The following IL1RAPL2 variants were observed in gnomAD, a reference collection of about 807,000 sequenced individuals.
IL1RAPL2 encodes the protein X-linked interleukin-1 receptor accessory protein-like 2.
IL1RAPL2 carries 3 observed loss-of-function variants against 44.1 expected under a neutral mutation model. The ratio of observed to expected loss-of-function variants is 0.07; its 90% CI spans 0.03 to 0.18. The LOEUF (loss-of-function observed/expected upper bound fraction) is 0.18. IL1RAPL2 is among the 10% of genes least tolerant of loss of function. The pLI, the probability that IL1RAPL2 is intolerant of heterozygous loss-of-function variation, is 1.00. For missense variants in IL1RAPL2, 391 were observed against 496.4 expected (o/e 0.79, Z 2.02); for synonymous variants, 181 against 178.8 (o/e 1.01, Z -0.10).
At chrX:104,794,621 T>C (rs190772091) in intron 2 of IL1RAPL2, among the ~76,000 whole-genome samples, 2 of 112,024 alleles carry the variant, frequency 1.8e-5, no homozygotes, top group African/African-American at 6.5e-5. Flanking sequence ...TGAACTTAGT[T>C]GGAGAACAGT....
chrX:104,585,328 A>ATATATTATATAATATATATTATATAAT, intron 1 of IL1RAPL2, among the ~76,000 whole-genome samples: 1 of 12,483 alleles, frequency 8.0e-5, no homozygotes, highest in South Asian at 2.1e-3. Flanking sequence ...TATTATATAT[A>ATATATTATATAATATATATTATATAAT]ATATATATTA....
chrX:105,240,041 A>G (rs912266720), intron 4 of IL1RAPL2, among the ~76,000 whole-genome samples: 4 of 112,403 alleles, frequency 3.6e-5, no homozygotes, highest in African/African-American at 9.7e-5. Context: ...TCCCAGGAAT[A>G]CGGGTTTGAC....
chrX:104,787,109 G>A (rs1932803446), intron 2 of IL1RAPL2, among the ~76,000 whole-genome samples: 1 of 110,637 alleles, frequency 9.0e-6, no homozygotes, highest in Non-Finnish European at 1.9e-5. Context: ...GCCAGGCAAC[G>A]TTTTCAGCAC....
At chrX:104,579,578 C>T (rs1047492156) in intron 1 of IL1RAPL2, among the ~76,000 whole-genome samples, 1 of 111,110 alleles carries the variant, frequency 9.0e-6, no homozygotes, top group East Asian at 2.9e-4. Flanking sequence ...CACAAAGAGG[C>T]GAGCAACACC....
intron 5 of IL1RAPL2, among the ~76,000 whole-genome samples, chrX:105,356,617 TCTTA>T (rs200195637): frequency 0.018 from 1,967 of 112,266 alleles, 45 homozygotes; most frequent in African/African-American, 0.061. Flanking sequence ...GGCTCACTCC[TCTTA>T]CTTAGAAGGG....
chrX:105,396,356 T>C (rs1306200046), intron 5 of IL1RAPL2, among the ~76,000 whole-genome samples: 1 of 105,998 alleles, frequency 9.4e-6, no homozygotes, highest in Non-Finnish European at 1.9e-5. Flanking sequence ...GACTTTACGG[T>C]AATCAGGTAT....
intron 2 of IL1RAPL2, among the ~76,000 whole-genome samples, chrX:105,138,651 T>C (rs895457226): frequency 1.8e-5 from 2 of 111,377 alleles, no homozygotes; most frequent in African/African-American, 6.5e-5. Flanking sequence ...TCCACTGTTA[T>C]GCCTCCCCAT....
intron 4 of IL1RAPL2, among the ~76,000 whole-genome samples, chrX:105,266,165 T>C (rs1361187816): frequency 1.8e-5 from 2 of 109,580 alleles, no homozygotes; most frequent in African/African-American, 6.7e-5. Flanking sequence ...CCTCAGCCTC[T>C]CAAGTAGCTG....
At chrX:105,630,935 A>G (rs905463481) in intron 6 of IL1RAPL2, among the ~76,000 whole-genome samples, 1 of 111,216 alleles carries the variant, frequency 9.0e-6, no homozygotes, top group Non-Finnish European at 1.9e-5. Flanking sequence ...GAGGATAACT[A>G]AATGGTTGCA....
At chrX:105,324,572 C>A (rs1336372112) in intron 5 of IL1RAPL2, among the ~76,000 whole-genome samples, 3 of 111,349 alleles carry the variant, frequency 2.7e-5, no homozygotes, top group African/African-American at 9.8e-5. Context: ...TTCTCTATCA[C>A]CACTGATTTA....
At chrX:104,646,268 A>G (rs1157051872) in intron 1 of IL1RAPL2, among the ~76,000 whole-genome samples, 2 of 109,705 alleles carry the variant, frequency 1.8e-5, no homozygotes, top group Non-Finnish European at 3.8e-5. Context: ...TTTAAAATCC[A>G]TTTAATATTC....
intron 2 of IL1RAPL2, among the ~76,000 whole-genome samples, chrX:104,825,871 C>G (rs975399524): frequency 4.5e-5 from 5 of 111,679 alleles, no homozygotes; most frequent in African/African-American, 1.6e-4. Context: ...TGTCTGCAAT[C>G]AACTGCAAAT....
At chrX:105,366,845 T>C (rs1011163941) in intron 5 of IL1RAPL2, among the ~76,000 whole-genome samples, 3 of 111,882 alleles carry the variant, frequency 2.7e-5, no homozygotes, top group Non-Finnish European at 3.8e-5. Flanking sequence ...TAAATATCTA[T>C]TAGGTGTTTT....
intron 2 of IL1RAPL2, among the ~76,000 whole-genome samples, chrX:104,874,279 C>CCTCTCT (rs59789265): frequency 0.15 from 11,324 of 76,108 alleles, 1,006 homozygotes; most frequent in African/African-American, 0.23. Flanking sequence ...TGTCTGTATT[C>CCTCTCT]CTCTCTCTCT....
chrX:105,180,356 CA>C (rs1310886856), intron 2 of IL1RAPL2, among the ~76,000 whole-genome samples: 66 of 98,903 alleles, frequency 6.7e-4, no homozygotes, highest in Admixed American at 7.5e-4. Flanking sequence ...AAAACAAAAA[CA>C]AAAAAAAAAG....
At chrX:104,895,362 G>A (rs1409437098) in intron 2 of IL1RAPL2, among the ~76,000 whole-genome samples, 2 of 112,666 alleles carry the variant, frequency 1.8e-5, no homozygotes, top group Admixed American at 1.9e-4. Context: ...CCTTTTGTTC[G>A]GCTATGCCCT....
At chrX:104,983,600 G>A (rs1208759208) in intron 2 of IL1RAPL2, among the ~76,000 whole-genome samples, 22 of 66,533 alleles carry the variant, frequency 3.3e-4, no homozygotes, top group South Asian at 2.5e-3. Context: ...TATATTATAT[G>A]CATAATATAT....
At chrX:105,177,758 T>A (rs1267567365) in intron 2 of IL1RAPL2, among the ~76,000 whole-genome samples, 1 of 112,160 alleles carries the variant, frequency 8.9e-6, no homozygotes, top group Non-Finnish European at 1.9e-5. Flanking sequence ...ATATAAGAAA[T>A]GTTTATGTTT....
intron 2 of IL1RAPL2, among the ~76,000 whole-genome samples, chrX:105,002,256 T>C (rs755270567): frequency 9.0e-6 from 1 of 111,109 alleles, no homozygotes; most frequent in African/African-American, 3.3e-5. Flanking sequence ...GAATAAAACA[T>C]CAAGTTTACA....
Sources: allele counts gnomAD v4.1 joint callset (sites outside exome capture counted in the v4.1 genomes callset), GRCh38; gene constraint gnomAD v4.1.1; transcripts MANE v1.5; gene names NCBI Gene and HGNC (gene_info 2026-07-23, HGNC 2026-07-21).